The following DGKB variants were observed in gnomAD, a reference collection of about 807,000 sequenced individuals.
DGKB encodes diacylglycerol kinase beta, also known as 90 kDa diacylglycerol kinase.
Under a neutral mutation model 114.3 loss-of-function variants are expected in DGKB, and 67 were observed. The observed-to-expected ratio is 0.59, with a 90% CI of 0.48 to 0.72. DGKB has a LOEUF of 0.72. Among genes scored for constraint, DGKB ranks in the 30% least tolerant of loss-of-function variants. The pLI, the probability that DGKB is intolerant of heterozygous loss-of-function variation, is 0.00. For synonymous variants in DGKB, 398 were observed against 323.1 expected (o/e 1.23, Z -2.49); for missense variants, 907 against 975.2 (o/e 0.93, Z 0.93).
At chr7:14,835,662 T>G (rs937164731) in intron 2 of DGKB, among the ~76,000 whole-genome samples, 3 of 152,138 alleles carry the variant, frequency 2.0e-5, no homozygotes, top group African/African-American at 7.2e-5. Context: ...AAAAATAAAT[T>G]GACTACACAC....
chr7:14,443,911 T>G (rs866884357), intron 21 of DGKB, among the ~76,000 whole-genome samples: 2 of 152,020 alleles, frequency 1.3e-5, no homozygotes, highest in East Asian at 3.9e-4. Context: ...TACTTCTGGA[T>G]TCTAATCGCA....
At chr7:14,450,047 T>C (rs1462024591) in intron 21 of DGKB, among the ~76,000 whole-genome samples, 1 of 152,090 alleles carries the variant, frequency 6.6e-6, no homozygotes, top group African/African-American at 2.4e-5. Context: ...CTAATTTTGA[T>C]TTTATGATAT....
chr7:14,918,702 C>G (rs909687611), intron 1 of DGKB, among the ~76,000 whole-genome samples: 10 of 152,122 alleles, frequency 6.6e-5, no homozygotes, highest in African/African-American at 2.4e-4. Flanking sequence ...TCAACTTGAT[C>G]TATGGAATCA....
chr7:14,386,756 G>A (rs1820404924), intron 21 of DGKB, among the ~76,000 whole-genome samples: 1 of 152,178 alleles, frequency 6.6e-6, no homozygotes, highest in African/African-American at 2.4e-5. Flanking sequence ...CTCTCAGGAG[G>A]CTTGGCCTCT....
intron 21 of DGKB, among the ~76,000 whole-genome samples, chr7:14,460,247 A>G (rs917734227): frequency 1.3e-4 from 20 of 152,158 alleles, no homozygotes; most frequent in African/African-American, 4.6e-4. Flanking sequence ...CACACATAAC[A>G]ATATTAACCT....
In DGKB at chr7:14,421,623, T is replaced by G. The variant is rs1287958163; in HGVS notation, c.1835+56538A>C. ...AAGGAAATGTTTTGCCTTTCAATCT[T>G]TATCAATGGAAAACATTTCACTCAG... On this transcript the variant is annotated intron_variant, in intron 21 of 25. Coordinates refer to ENST00000402815, the MANE Select transcript of DGKB (RefSeq NM_001350709.2). Among the ~76,000 whole-genome samples the G allele has an allele frequency of 2.0e-5, 3 of 152,118 alleles. No homozygotes were observed. The East Asian group carries it at 5.8e-4, about 29-fold the overall frequency.
At chr7:14,737,812 C>A (rs565744818) in intron 4 of DGKB, among the ~76,000 whole-genome samples, 1 of 151,272 alleles carries the variant, frequency 6.6e-6, no homozygotes, top group East Asian at 2.0e-4. Flanking sequence ...ATTGTCAATT[C>A]TAGCCCGGGA....
At chr7:14,756,158 G>A (rs536565968) in intron 3 of DGKB, among the ~76,000 whole-genome samples, 2 of 152,134 alleles carry the variant, frequency 1.3e-5, no homozygotes, top group East Asian at 3.9e-4. Flanking sequence ...GTAGCCAGCA[G>A]CTATCATTAT....
rs34758174 is a variant in DGKB, at chr7:14,634,481, TACACACACACACACACAC to T, written c.1135-4231_1135-4214del. 4.6e-3 allele frequency among the ~76,000 whole-genome samples: 661 copies of T among 145,262 alleles called. 3 individuals carry two copies. The highest frequency in any genetic ancestry group is 7.5e-3 in the Admixed American group (109 of 14,438). ...AGAAATCACTATATCTACAAAGTGA[TACACACACACACACACAC>T]ACACACACACACACACACTTGTTTT... On this transcript the variant is annotated intron_variant, in intron 13 of 25. Coordinates refer to ENST00000402815, the MANE Select transcript of DGKB (RefSeq NM_001350709.2).
Position 14,939,629 on chromosome 7 carries a change from T to A in DGKB, c.-188+35067A>T, listed in dbSNP as rs964651579. ...ATCATGAAAATATAATACTTTTTTTTTTTTTTTTTTTTTTTTTTGAGACGG... is the reference window on the plus strand; with the variant it reads ...ATCATGAAAATATAATACTTTTTTTATTTTTTTTTTTTTTTTTTGAGACGG... On this transcript the variant is annotated intron_variant, in intron 1 of 4. Transcript: ENST00000437998. 7.7e-4 allele frequency among the ~76,000 whole-genome samples: 105 copies of A among 136,196 alleles called. 1 individual carries two copies. Among genetic ancestry groups the A allele is most frequent in the African/African-American group, 2.9e-3 (100 of 34,020 alleles). The allele number at this position is 136,196 out of a possible 152,430, so 89.3% of individuals were successfully genotyped here.
In DGKB at chr7:14,737,434, G is replaced by A. The variant is rs999205199; in HGVS notation, c.169-1240C>T. On this transcript the variant is annotated intron_variant, in intron 4 of 25. Coordinates refer to ENST00000402815, the MANE Select transcript of DGKB (RefSeq NM_001350709.2). Reference sequence around the variant, plus strand: ...GGAATAGAAAGTTTGTTTTTCCTATGTAATAATACTGGGGGAAAGACATGG... The same window carrying A: ...GGAATAGAAAGTTTGTTTTTCCTATATAATAATACTGGGGGAAAGACATGG... Among the ~76,000 whole-genome samples, 5 of 151,750 alleles carry A rather than the reference G, an allele frequency of 3.3e-5. No individual in the cohort carries two copies. In the East Asian group the frequency reaches 9.7e-4, roughly 29 times the overall value.
intron 6 of DGKB, among the ~76,000 whole-genome samples, chr7:14,712,341 A>T (rs1827498744): frequency 6.6e-6 from 1 of 152,238 alleles, no homozygotes; most frequent in Non-Finnish European, 1.5e-5. Flanking sequence ...AGTGATTATC[A>T]ATGAAAATAT....
chr7:14,166,237 T>C (rs1275720297), intron 25 of DGKB, among the ~76,000 whole-genome samples: 1 of 152,224 alleles, frequency 6.6e-6, no homozygotes, highest in Non-Finnish European at 1.5e-5. Context: ...TATAAGTGGG[T>C]AAAAACAACT....
At chr7:14,659,772 G>C (rs951416667) in intron 13 of DGKB, among the ~76,000 whole-genome samples, 84 of 150,276 alleles carry the variant, frequency 5.6e-4, no homozygotes, top group African/African-American at 1.9e-3. Context: ...ACACTATGTT[G>C]AGTAGGAGTG....
chr7:14,535,955 C>T (rs190988079), intron 20 of DGKB, among the ~76,000 whole-genome samples: 12 of 152,002 alleles, frequency 7.9e-5, no homozygotes, highest in African/African-American at 2.9e-4. Flanking sequence ...AGAGAGAAGA[C>T]CCAAATAATG....
chr7:14,192,942 T>C (rs985411065), intron 23 of DGKB, among the ~76,000 whole-genome samples: 1 of 152,054 alleles, frequency 6.6e-6, no homozygotes, highest in East Asian at 1.9e-4. Context: ...GTCCCTTGCA[T>C]GCGCAGTTCA....
intron 13 of DGKB, among the ~76,000 whole-genome samples, chr7:14,661,362 A>T (rs1324393462): frequency 2.7e-5 from 4 of 146,056 alleles, no homozygotes; most frequent in Non-Finnish European, 6.0e-5. Context: ...TTACAAGAAA[A>T]AAACAAACAA....
At chr7:14,971,504 G>C (rs1374853574) in intron 1 of DGKB, among the ~76,000 whole-genome samples, 6 of 152,094 alleles carry the variant, frequency 3.9e-5, no homozygotes, top group Admixed American at 1.3e-4. Flanking sequence ...TTCAAGATTT[G>C]TAGCTGAGTA....
intron 2 of DGKB, among the ~76,000 whole-genome samples, chr7:14,786,683 G>T (rs746780287): frequency 1.1e-4 from 16 of 152,344 alleles, no homozygotes; most frequent in Non-Finnish European, 2.1e-4. Flanking sequence ...CAAAGTTGTG[G>T]CTGAGCCTGT....
Sources: gnomAD v4.1 joint callset for allele counts (sites outside exome capture counted in the v4.1 genomes callset) on GRCh38, gnomAD v4.1.1 for gene constraint, MANE v1.5 for transcripts, NCBI Gene and HGNC (gene_info 2026-07-23, HGNC 2026-07-21) for gene names.